Variants in SSBP3 observed in about 807,000 individuals in gnomAD.
SSBP3 encodes single stranded DNA binding protein 3.
In SSBP3, 5 loss-of-function variants were observed where a neutral mutation model predicts 69.6. That is an observed-to-expected ratio of 0.07 (90% confidence interval 0.04 to 0.15). The LOEUF is 0.15. Among genes scored for constraint, SSBP3 ranks in the 10% least tolerant of loss-of-function variants. The probability of loss-of-function intolerance (pLI) is 1.00; values close to 1 mark genes in which losing one functional copy is unlikely to be tolerated. For synonymous variants in SSBP3, 196 were observed against 193.4 expected (o/e 1.01, Z -0.11); for missense variants, 312 against 534.0 (o/e 0.58, Z 4.10).
At position 54,395,655 on chromosome 1, in the gene SSBP3, A is replaced by G. The variant is rs1242198912; in HGVS notation, c.276+6206T>C. On this transcript the variant is annotated intron_variant, in intron 4 of 17. Coordinates refer to ENST00000610401, the Ensembl canonical transcript of SSBP3. ...ATATTACTTAACCCTCACAACCACT[A>G]TGCAAAGGAATCAGCATTCCCCCAT... 2.6e-5 allele frequency among the ~76,000 whole-genome samples: 4 copies of G among 152,140 alleles called. No homozygotes were observed. In the East Asian group the frequency reaches 7.7e-4, roughly 29 times the overall value.
At chr1:54,231,627 A>T (rs1644380118) in intron 14 of SSBP3, among the ~76,000 whole-genome samples, 1 of 152,162 alleles carries the variant, frequency 6.6e-6, no homozygotes, top group African/African-American at 2.4e-5. Flanking sequence ...TCCTGTATTT[A>T]CTTCAAGTGT....
intron 9 of SSBP3, 64 bp from the exon 10 acceptor site, chr1:54,243,363 GAAAC>G: frequency 1.9e-6 from 3 of 1,563,604 alleles, no homozygotes; most frequent in South Asian, 1.1e-5. Flanking sequence ...GGAGGGAGGA[GAAAC>G]AAACAGACAA....
In SSBP3 at chr1:54,396,193, G is replaced by GAAAAAAAAA. The variant is rs59276509; in HGVS notation, c.276+5659_276+5667dup. ...GGTGACAGAGTGAGACTCCATCTCA[G>GAAAAAAAAA]AAAAAAAAAAAAAAAAAAAAAAAAA... is the stretch of plus-strand genomic sequence containing the variant. On this transcript the variant is annotated intron_variant, in intron 4 of 17. Transcript: ENST00000610401. Among the ~76,000 whole-genome samples, 36 of 40,580 alleles carry GAAAAAAAAA rather than the reference G, an allele frequency of 8.9e-4. 1 individual carries two copies. Among genetic ancestry groups the GAAAAAAAAA allele is most frequent in the East Asian group, 1.7e-3 (1 of 594 alleles). The allele number at this position is 40,580 out of a possible 152,430, so 26.6% of individuals were successfully genotyped here.
chr1:54,322,521 C>G (rs780059980), intron 4 of SSBP3, among the ~76,000 whole-genome samples: 1 of 152,202 alleles, frequency 6.6e-6, no homozygotes, highest in Non-Finnish European at 1.5e-5. Flanking sequence ...GATAATGCAC[C>G]TGGCCACATA....
intron 4 of SSBP3, among the ~76,000 whole-genome samples, chr1:54,354,614 AC>A (rs1247990251): frequency 6.6e-6 from 1 of 152,060 alleles, no homozygotes. Context: ...GGAGCTTACA[AC>A]CGAGATGGGG....
intron 5 of SSBP3, among the ~76,000 whole-genome samples, chr1:54,275,242 C>T (rs1645263372): frequency 6.6e-6 from 1 of 152,240 alleles, no homozygotes; most frequent in Admixed American, 6.5e-5. Flanking sequence ...GACTCAGCTC[C>T]TTCCCTTGCC....
chr1:54,344,931 G>A (rs750725064), intron 4 of SSBP3, among the ~76,000 whole-genome samples: 13 of 152,224 alleles, frequency 8.5e-5, no homozygotes, highest in Non-Finnish European at 1.6e-4. Flanking sequence ...GTCCACGTGC[G>A]TACAGCTGTA....
intron 13 of SSBP3, among the ~76,000 whole-genome samples, chr1:54,240,087 T>TGTGTGC (rs1159547661): frequency 2.6e-3 from 110 of 42,342 alleles, no homozygotes; most frequent in Non-Finnish European, 3.7e-3. Context: ...TGTGTGTGTG[T>TGTGTGC]GCGCGCGCGC....
chr1:54,284,897 G>C (rs1171116111), intron 4 of SSBP3, among the ~76,000 whole-genome samples: 2 of 152,200 alleles, frequency 1.3e-5, no homozygotes, highest in African/African-American at 4.8e-5. Context: ...TGAAGGTAGT[G>C]GATGGTCCAC....
intron 4 of SSBP3, among the ~76,000 whole-genome samples, chr1:54,338,674 A>C (rs935380539): frequency 6.6e-6 from 1 of 152,254 alleles, no homozygotes; most frequent in African/African-American, 2.4e-5. Context: ...AGCCGAGGCT[A>C]AACAGGGACC....
chr1:54,281,653 T>C (rs1225437471), intron 4 of SSBP3, 126 bp from the exon 5 acceptor site: 5 of 870,642 alleles, frequency 5.7e-6, no homozygotes, highest in Non-Finnish European at 7.5e-6. Flanking sequence ...CAGGCCACTT[T>C]CTACTTAAAG....
intron 1 of SSBP3, among the ~76,000 whole-genome samples, chr1:54,411,537 C>G (rs1649989716): frequency 6.6e-6 from 1 of 151,760 alleles, no homozygotes; most frequent in African/African-American, 2.4e-5. Context: ...GCCTGTAATC[C>G]CAGCACTTTG....
At chr1:54,385,128 C>T (rs569786787) in intron 4 of SSBP3, among the ~76,000 whole-genome samples, 121 of 152,316 alleles carry the variant, frequency 7.9e-4, no homozygotes, top group Non-Finnish European at 1.4e-3. Context: ...CTGAGCACAG[C>T]CCCTGATGGC....
intron 4 of SSBP3, among the ~76,000 whole-genome samples, chr1:54,368,224 G>A (rs1406177844): frequency 6.6e-6 from 1 of 151,076 alleles, no homozygotes; most frequent in African/African-American, 2.4e-5. Flanking sequence ...CATGAACCCG[G>A]GAGGCGGAGC....
At chr1:54,303,062 T>C (rs1645831969) in intron 4 of SSBP3, among the ~76,000 whole-genome samples, 1 of 152,194 alleles carries the variant, frequency 6.6e-6, no homozygotes, top group Non-Finnish European at 1.5e-5. Flanking sequence ...TATTATATCC[T>C]GATATAATAA....
intron 4 of SSBP3, among the ~76,000 whole-genome samples, chr1:54,350,919 G>A (rs1646771881): frequency 6.6e-6 from 1 of 151,910 alleles, no homozygotes; most frequent in South Asian, 2.1e-4. Flanking sequence ...TCAACCTCCT[G>A]GACTCAGCAA....
chr1:54,374,692 G>T (rs1479437644), intron 4 of SSBP3, among the ~76,000 whole-genome samples: 2 of 152,078 alleles, frequency 1.3e-5, no homozygotes, highest in Non-Finnish European at 2.9e-5. Context: ...CCTGGCAGGG[G>T]ACAGAATGCA....
chr1:54,257,010 G>A (rs922504843), intron 7 of SSBP3, 117 bp downstream of exon 7: 39 of 1,085,482 alleles, frequency 3.6e-5, no homozygotes, highest in South Asian at 1.8e-4. Flanking sequence ...TACCAGCCAC[G>A]TTAAACCTGC....
chr1:54,349,981 A>C (rs1002518554), intron 4 of SSBP3, among the ~76,000 whole-genome samples: 1 of 152,010 alleles, frequency 6.6e-6, no homozygotes, highest in African/African-American at 2.4e-5. Context: ...CCCCAAATTA[A>C]ACCGCTCTAA....
Sources: allele counts gnomAD v4.1 joint callset (sites outside exome capture counted in the v4.1 genomes callset), GRCh38; gene constraint gnomAD v4.1.1; transcripts MANE v1.5; gene names NCBI Gene and HGNC (gene_info 2026-07-23, HGNC 2026-07-21).